The following SUSD1 variants were observed in gnomAD, a reference collection of about 807,000 sequenced individuals.
SUSD1 encodes sushi domain-containing protein 1.
Under a neutral mutation model 86.9 loss-of-function variants are expected in SUSD1, and 65 were observed. That is an observed-to-expected ratio of 0.75 (90% CI 0.61 to 0.92). SUSD1 has a LOEUF of 0.92. Among genes scored for constraint, SUSD1 ranks in the 40% least tolerant of loss-of-function variants. The pLI, the probability that SUSD1 is intolerant of heterozygous loss-of-function variation, is 0.00. For synonymous variants in SUSD1, 346 were observed against 350.0 expected (o/e 0.99, Z 0.13); for missense variants, 850 against 929.7 (o/e 0.91, Z 1.11).
intron 5 of SUSD1, among the ~76,000 whole-genome samples, chr9:112,138,273 A>ATG (rs1383478881): frequency 8.1e-6 from 1 of 123,258 alleles, no homozygotes; most frequent in East Asian, 2.1e-4. Flanking sequence ...ATACATATAT[A>ATG]TATATATGAA....
intron 1 of SUSD1, among the ~76,000 whole-genome samples, chr9:112,170,522 C>A (rs1265698464): frequency 3.9e-5 from 6 of 152,038 alleles, no homozygotes; most frequent in Admixed American, 3.9e-4. Flanking sequence ...GCCACCAACA[C>A]CCTCCTGCCA....
At chr9:112,041,819 T>A (rs1196881610) in intron 16 of SUSD1, 48 bp downstream of exon 16, 1 of 1,566,584 alleles carries the variant, frequency 6.4e-7, no homozygotes, top group Admixed American at 1.8e-5. Context: ...CTCTGACCCA[T>A]CCTCCCCTCC....
At chr9:112,111,573 C>A in intron 8 of SUSD1, 81 bp downstream of exon 8, 2 of 1,527,878 alleles carry the variant, frequency 1.3e-6, no homozygotes, top group Non-Finnish European at 1.8e-6. Flanking sequence ...AGCTCTCCAG[C>A]CCAGCTGATT....
At chr9:112,053,171 C>A (rs1159222848) in intron 14 of SUSD1, among the ~76,000 whole-genome samples, 2 of 151,928 alleles carry the variant, frequency 1.3e-5, no homozygotes, top group East Asian at 3.9e-4. Flanking sequence ...CAGCCTTGGG[C>A]ATTCTGGTTT....
At chr9:112,149,581 G>A (rs371710774) in intron 2 of SUSD1, among the ~76,000 whole-genome samples, 182 bp from the exon 3 acceptor site, 4 of 152,204 alleles carry the variant, frequency 2.6e-5, no homozygotes, top group East Asian at 1.9e-4. Flanking sequence ...TGGGCCCCTC[G>A]TAGTTATGTG....
At chr9:112,115,557 A>T (rs995965073) in intron 6 of SUSD1, among the ~76,000 whole-genome samples, 1 of 152,178 alleles carries the variant, frequency 6.6e-6, no homozygotes, top group Non-Finnish European at 1.5e-5. Flanking sequence ...CTGTAATCCT[A>T]GCACTTTGCG....
chr9:112,118,292 C>A (rs1466515818), intron 6 of SUSD1, among the ~76,000 whole-genome samples: 1 of 152,062 alleles, frequency 6.6e-6, no homozygotes, highest in Non-Finnish European at 1.5e-5. Context: ...ATGGCAGCAC[C>A]ACAGAAATCA....
intron 5 of SUSD1, among the ~76,000 whole-genome samples, chr9:112,134,033 A>G (rs1428605108): frequency 1.3e-5 from 2 of 152,228 alleles, no homozygotes; most frequent in African/African-American, 4.8e-5. Context: ...CACACCAGTC[A>G]GAATGGCTAT....
At chr9:112,068,159 C>A (rs539565074) in intron 12 of SUSD1, among the ~76,000 whole-genome samples, 1 of 152,240 alleles carries the variant, frequency 6.6e-6, no homozygotes, top group Admixed American at 6.5e-5. Flanking sequence ...GTGCCCAGAG[C>A]TGTGATGGAG....
At chr9:112,124,767 T>A (rs1014044780) in intron 5 of SUSD1, among the ~76,000 whole-genome samples, 1 of 152,224 alleles carries the variant, frequency 6.6e-6, no homozygotes, top group Non-Finnish European at 1.5e-5. Context: ...GAGTAGATGA[T>A]AACGCAATTG....
intron 12 of SUSD1, among the ~76,000 whole-genome samples, chr9:112,063,621 G>A (rs543353848): frequency 1.2e-4 from 19 of 152,058 alleles, no homozygotes; most frequent in Admixed American, 6.6e-4. Flanking sequence ...TTATTTTCCC[G>A]CCCCCAGCAA....
intron 3 of SUSD1, among the ~76,000 whole-genome samples, chr9:112,146,509 T>C (rs1384412737): frequency 6.6e-6 from 1 of 152,184 alleles, no homozygotes; most frequent in East Asian, 1.9e-4. Context: ...AGATTAGGTC[T>C]AGTTCGGCTG....
chr9:112,122,342 T>C (rs1191812202), intron 6 of SUSD1, among the ~76,000 whole-genome samples: 1 of 152,200 alleles, frequency 6.6e-6, no homozygotes, highest in African/African-American at 2.4e-5. Flanking sequence ...TAATTTTTTG[T>C]AGAGATGGGG....
At position 112,149,239 on chromosome 9, in the gene SUSD1, A is replaced by G; in HGVS notation, c.373+5T>C. 1 of 1,614,030 alleles carries G rather than the reference A, an allele frequency of 6.2e-7. No homozygotes were observed. The highest frequency in any genetic ancestry group is 8.5e-7 in the Non-Finnish European group (1 of 1,179,908). ...TGTCAACACCGCAGCCCCCTTCTTG[A>G]GTACCTGTACAAAAGGTGCCATCGT... On this transcript the variant is annotated splice_donor_5th_base_variant and intron_variant, in intron 3 of 16. Transcript: ENST00000374270.
intron 15 of SUSD1, among the ~76,000 whole-genome samples, chr9:112,047,563 A>AATCCTC (rs1312740074): frequency 6.6e-6 from 1 of 152,170 alleles, no homozygotes; most frequent in Non-Finnish European, 1.5e-5. Flanking sequence ...CTTGAAATTT[A>AATCCTC]ATCCTCAATG....
intron 8 of SUSD1, among the ~76,000 whole-genome samples, chr9:112,102,757 A>G (rs1173961548): frequency 6.6e-6 from 1 of 152,220 alleles, no homozygotes; most frequent in African/African-American, 2.4e-5. Flanking sequence ...GTGCTTTCCA[A>G]CCTAGAAAAT....
At chr9:112,156,205 T>A (rs1833306533) in intron 2 of SUSD1, among the ~76,000 whole-genome samples, 1 of 151,798 alleles carries the variant, frequency 6.6e-6, no homozygotes. Context: ...GGCTGACGCT[T>A]GTAATCCCAG....
At chr9:112,068,695 G>A (rs1829103991) in intron 12 of SUSD1, among the ~76,000 whole-genome samples, 2 of 127,214 alleles carry the variant, frequency 1.6e-5, no homozygotes, top group South Asian at 5.3e-4. Context: ...GCTAGACCCT[G>A]TCTCAAAAAA....
chr9:112,120,304 A>G (rs1033641692), intron 6 of SUSD1, among the ~76,000 whole-genome samples: 9 of 151,896 alleles, frequency 5.9e-5, no homozygotes, highest in Admixed American at 4.6e-4. Flanking sequence ...TCCATCTCCA[A>G]CAACAACAAC....
Sources: gnomAD v4.1 joint callset for allele counts (sites outside exome capture counted in the v4.1 genomes callset) on GRCh38, gnomAD v4.1.1 for gene constraint, MANE v1.5 for transcripts, NCBI Gene and HGNC (gene_info 2026-07-23, HGNC 2026-07-21) for gene names.